Variants in NCOR2 observed in about 807,000 individuals in gnomAD.
NCOR2 encodes the protein nuclear receptor corepressor 2.
Under a neutral mutation model 262.9 loss-of-function variants are expected in NCOR2, and 81 were observed. The ratio of observed to expected loss-of-function variants is 0.31; its 90% CI spans 0.26 to 0.37. The LOEUF (loss-of-function observed/expected upper bound fraction) is 0.37. Ranked by LOEUF, NCOR2 falls within the 10% of genes least tolerant of loss-of-function variation. The probability of loss-of-function intolerance (pLI) is 1.00; values close to 1 mark genes in which losing one functional copy is unlikely to be tolerated. For synonymous variants in NCOR2, 1,659 were observed against 1,559.3 expected (o/e 1.06, Z -1.51); for missense variants, 3,385 against 3,621.4 (o/e 0.93, Z 1.68).
At chr12:124,459,327 G>A (rs1427753744) in intron 5 of NCOR2, among the ~76,000 whole-genome samples, 1 of 152,076 alleles carries the variant, frequency 6.6e-6, no homozygotes, top group Non-Finnish European at 1.5e-5. Context: ...GCCACAGGGA[G>A]CCCCACCTCC....
At chr12:124,403,778 C>T (rs1343444014) in intron 13 of NCOR2, among the ~76,000 whole-genome samples, 6 of 152,210 alleles carry the variant, frequency 3.9e-5, no homozygotes, top group Non-Finnish European at 8.8e-5. Flanking sequence ...AACGCTCTCT[C>T]CAGCCTCTTT....
At chr12:124,384,427 C>T (rs903599350) in intron 17 of NCOR2, among the ~76,000 whole-genome samples, 2 of 152,200 alleles carry the variant, frequency 1.3e-5, no homozygotes, top group Admixed American at 6.5e-5. Context: ...GTGGAGGGCA[C>T]GCGGGGCACT....
chr12:124,339,977 GC>G (rs749662667), intron 37 of NCOR2, 28 bp downstream of exon 39: 33 of 1,229,482 alleles, frequency 2.7e-5, no homozygotes, highest in African/African-American at 3.7e-5. Context: ...CCACCTGCCC[GC>G]CCCCTCCCCC....
chr12:124,462,274 C>T (rs1265830569), intron 5 of NCOR2, among the ~76,000 whole-genome samples: 2 of 152,214 alleles, frequency 1.3e-5, no homozygotes, highest in Non-Finnish European at 2.9e-5. Context: ...TGCCTGGAAG[C>T]CCCATCCTAG....
exon 38 of NCOR2, chr12:124,336,831 C>G: frequency 6.2e-7 from 1 of 1,612,886 alleles, no homozygotes; most frequent in African/African-American, 1.3e-5. Context: ...GAGGCCGAGG[C>G]AGGTGGCGCC....
chr12:124,348,311 C>T (rs1380247557), exon 29 of NCOR2: 1 of 1,605,708 alleles, frequency 6.2e-7, no homozygotes, highest in Non-Finnish European at 8.5e-7. Context: ...CACAGACATG[C>T]CACCTGGAAA....
In NCOR2 at chr12:124,386,784, C is replaced by G. The variant is rs968527809; in HGVS notation, c.1877-897G>C. Among the ~76,000 whole-genome samples, 5 of 152,390 alleles carry G rather than the reference C, an allele frequency of 3.3e-5. 1 individual carries two copies. In the Middle Eastern group the frequency reaches 0.01, roughly 311 times the overall value. On this transcript the variant is annotated intron_variant, in intron 16 of 46. Transcript: ENST00000405201. ...GGCAGTGCCTGGGAAGCCAAGCCCC[C>G]GGTCTCGGCCTGTCTGCCCGGCGAG...
At chr12:124,550,704 G>A (rs1219469192) in intron 1 of NCOR2, among the ~76,000 whole-genome samples, 2 of 152,180 alleles carry the variant, frequency 1.3e-5, no homozygotes, top group Admixed American at 1.3e-4. Context: ...TAAAGCAGCT[G>A]CCAAACCACA....
intron 1 of NCOR2, among the ~76,000 whole-genome samples, chr12:124,562,911 C>T (rs2052118497): frequency 6.6e-6 from 1 of 152,144 alleles, no homozygotes; most frequent in African/African-American, 2.4e-5. Flanking sequence ...TGTCCTGCGA[C>T]ACACAGGAGC....
chr12:124,386,501 A>AG (rs1413476721), intron 16 of NCOR2, among the ~76,000 whole-genome samples: 1 of 152,102 alleles, frequency 6.6e-6, no homozygotes, highest in African/African-American at 2.4e-5. Context: ...GGGCACCTAA[A>AG]GGCCCACTCA....
chr12:124,333,960 G>T (rs962323395), intron 41 of NCOR2, among the ~76,000 whole-genome samples: 8 of 151,920 alleles, frequency 5.3e-5, no homozygotes. Context: ...GCACGTGTGT[G>T]TGTGCGGGTG....
At chr12:124,414,430 CG>C (rs2042753871) in intron 13 of NCOR2, among the ~76,000 whole-genome samples, 1 of 152,208 alleles carries the variant, frequency 6.6e-6, no homozygotes, top group African/African-American at 2.4e-5. Context: ...GCCACCATAG[CG>C]GCCAGCAGCA....
intron 26 of NCOR2, 72 bp downstream of exon 28, chr12:124,354,406 T>G: frequency 7.4e-7 from 1 of 1,356,152 alleles, no homozygotes; most frequent in Non-Finnish European, 9.8e-7. Flanking sequence ...CAGCAGGTTT[T>G]GAATAAAGGG....
intron 3 of NCOR2, among the ~76,000 whole-genome samples, chr12:124,475,032 G>A (rs1387794655): frequency 6.6e-6 from 1 of 152,074 alleles, no homozygotes; most frequent in Non-Finnish European, 1.5e-5. Context: ...CAGGGCCTCT[G>A]TCCTCCCCTC....
At chr12:124,479,598 C>G (rs1326110846) in intron 3 of NCOR2, among the ~76,000 whole-genome samples, 7 of 152,266 alleles carry the variant, frequency 4.6e-5, no homozygotes, top group Admixed American at 2.0e-4. Flanking sequence ...CACACACACC[C>G]TGGCCTGCTA....
chr12:124,439,390 C>G (rs2044674995), intron 7 of NCOR2, among the ~76,000 whole-genome samples: 1 of 151,700 alleles, frequency 6.6e-6, no homozygotes, highest in Non-Finnish European at 1.5e-5. Flanking sequence ...GACAGAGACC[C>G]AGAGACAGAG....
At chr12:124,514,130 A>G (rs2049574803) in intron 1 of NCOR2, 3 of 152,192 alleles carry the variant, frequency 2.0e-5, no homozygotes, top group Admixed American at 2.0e-4. Flanking sequence ...AGACCTAATC[A>G]CCACGGGATG....
At chr12:124,534,973 G>GGA (rs2051049173) in intron 1 of NCOR2, among the ~76,000 whole-genome samples, 1 of 152,202 alleles carries the variant, frequency 6.6e-6, no homozygotes, top group Admixed American at 6.5e-5. Context: ...CCCTATAAGG[G>GGA]GAAACTGTTA....
chr12:124,494,757 GC>G (rs1376099733), intron 1 of NCOR2, among the ~76,000 whole-genome samples: 2 of 152,176 alleles, frequency 1.3e-5, no homozygotes, highest in Admixed American at 6.5e-5. Flanking sequence ...GACCTATCCG[GC>G]CCCCTTGCCC....
Sources: allele counts gnomAD v4.1 joint callset (sites outside exome capture counted in the v4.1 genomes callset), GRCh38; gene constraint gnomAD v4.1.1; transcripts MANE v1.5; gene names NCBI Gene and HGNC (gene_info 2026-07-23, HGNC 2026-07-21).